NACA: variants seen among roughly 807,000 people sequenced by gnomAD.
The protein encoded by NACA is nascent polypeptide associated complex subunit alpha.
Under a neutral mutation model 86.4 loss-of-function variants are expected in NACA, and 42 were observed. The observed-to-expected ratio is 0.49, with a 90% CI of 0.38 to 0.63. The LOEUF (loss-of-function observed/expected upper bound fraction) is 0.63, where lower values mean the gene tolerates loss of function less well. NACA is among the 20% of genes least tolerant of loss of function. NACA has a pLI of 0.00. For missense variants in NACA, 2,157 were observed against 2,483.6 expected, an observed-to-expected ratio of 0.87 and a Z score of 2.80; for synonymous variants, 898 against 973.7, an observed-to-expected ratio of 0.92 and a Z score of 1.45.
Position 56,719,775 on chromosome 12 carries a change from A to AGAAAGAGGT in NACA, c.1746_1754dup (p.Leu584_Pro586dup). 6.2e-7 allele frequency: 1 copy of AGAAAGAGGT among 1,613,858 alleles called. No individual in the cohort carries two copies. Among genetic ancestry groups the AGAAAGAGGT allele is most frequent in the Non-Finnish European group, 8.5e-7 (1 of 1,179,874 alleles). On this transcript the variant is annotated inframe_insertion, in exon 3 of 9. Coordinates refer to ENST00000454682, the MANE Select transcript of NACA (RefSeq NM_001365896.1). The stretch of plus-strand genomic sequence containing the variant: ...TTTTCTTTGCTAGGGTGGCTTCAGG[A>AGAAAGAGGT]GAAAGAGGTATCTCTGGAGAAGAGG...
chr12:56,720,505 T>C lies in NACA; in HGVS notation c.1025A>G (p.Asp342Gly), dbSNP rs1411967994. ...SDPTVKTISV[D>G]HSSTGASYPS... ...ATAAGAGGCCCCTGTGGAAGAATGA[T>C]CTACAGAAATGGTCTTCACTGTAGG... The change falls in exon 3 of 9, where the codon GAT becomes GGT. Residue 342 changes from aspartate (D) to glycine (G), a missense_variant. By Grantham distance (94) the Asp-to-Gly change is moderately conservative (BLOSUM62 -1). This residue lies in a region of NACA where 947 missense variants were observed against 917.9 expected (regional missense o/e 1.03). Coordinates refer to ENST00000454682, the MANE Select transcript of NACA (RefSeq NM_001365896.1). 5.6e-6 allele frequency: 9 copies of C among 1,613,674 alleles called. No homozygotes were observed. The African/African-American group carries it at 1.2e-4, about 22-fold the overall frequency.
intron 2 of NACA, among the ~76,000 whole-genome samples, chr12:56,723,789 T>C (rs1953637317): frequency 6.6e-6 from 1 of 152,220 alleles, no homozygotes; most frequent in Non-Finnish European, 1.5e-5. Flanking sequence ...CCTCCTAAGT[T>C]TTCTACAGAG....
Position 56,716,128 on chromosome 12 carries a change from G to C in NACA, c.5402C>G (p.Pro1801Arg), listed in dbSNP as rs914922212. 6.2e-7 allele frequency: 1 copy of C among 1,613,536 alleles called. No individual in the cohort carries two copies. Among genetic ancestry groups the C allele is most frequent in the African/African-American group, 1.3e-5 (1 of 75,020 alleles). Residue 1801 changes from proline (P) to arginine (R), a missense_variant, in exon 3 of 9, where the codon CCT becomes CGT. Physicochemically the swap from Pro to Arg is moderately radical, Grantham distance 103. This residue lies in a region of NACA where 797 missense variants were observed against 777.6 expected (regional missense o/e 1.02). Transcript: ENST00000454682. The stretch of plus-strand genomic sequence containing the variant: ...AGTGGGAACTGGGGAGGGAGCAAGA[G>C]GCAGAGAGACTGGTGGGGAGGGTGC... ...SAAPSPPVSL[P>R]LAPSPVPTLP...
chr12:56,724,806 C>T (rs1953669321), intron 1 of NACA: 1 of 430,668 alleles, frequency 2.3e-6, no homozygotes, highest in Non-Finnish European at 4.2e-6. Context: ...CTGTGAACCC[C>T]CTCCACTCCT....
rs1953274584 is a variant in NACA, at chr12:56,713,673, T to C, written c.5834A>G (p.Lys1945Arg). 1 of 1,614,104 alleles carries C rather than the reference T, an allele frequency of 6.2e-7. No homozygotes were observed. The highest frequency in any genetic ancestry group is 8.5e-7 in the Non-Finnish European group (1 of 1,179,986). The change falls in exon 6 of 9, where the codon AAA becomes AGA. Residue 1945 changes from lysine (K) to arginine (R), a missense_variant. This residue lies in a region of NACA where 81 missense variants were observed against 200.6 expected (regional missense o/e 0.40). Transcript: ENST00000454682. ...SEKKARKAMS[K>R]LGLRQVTGVT... ...TCCTGTAACCTGCCGAAGACCCAGT[T>C]TGGACATAGCCTAAAGAAGAGAAAA...
Position 56,714,704 on chromosome 12 carries a change from C to T in NACA, c.5660-17G>A, listed in dbSNP as rs772634815. ...TTCCAGACCCTAAGATGAGAAACAA[C>T]TTTTACTGCTTTATAGTAGAAATTA... On this transcript the variant is annotated splice_polypyrimidine_tract_variant and intron_variant, in intron 3 of 8. Coordinates refer to ENST00000454682, the MANE Select transcript of NACA (RefSeq NM_001365896.1). The T allele has an allele frequency of 1.2e-6, 2 of 1,608,312 alleles. No individual in the cohort carries two copies. Among genetic ancestry groups the T allele is most frequent in the East Asian group, 2.2e-5 (1 of 44,862 alleles).
intron 3 of NACA, 105 bp downstream of exon 3, chr12:56,715,766 T>C (rs752106502): frequency 1.9e-6 from 2 of 1,027,452 alleles, no homozygotes; most frequent in Admixed American, 2.6e-5. Context: ...CCCAAGCAGA[T>C]TCACTGGAGA....
At position 56,719,901 on chromosome 12, in the gene NACA, A is replaced by AGG; in HGVS notation, c.1627_1628dup (p.Phe544LeufsTer20). ...TGAGTCCTGCTTGGGCTGGAGAGAA[A>AGG]GGGGCTCCTTCAAGAGAGGCAGGTA... is the stretch of plus-strand genomic sequence containing the variant. On this transcript the variant is annotated frameshift_variant, in exon 3 of 9. Transcript: ENST00000454682. LOFTEE classifies it high-confidence loss of function. 6.2e-7 allele frequency: 1 copy of AGG among 1,613,790 alleles called. No individual in the cohort carries two copies.
intron 2 of NACA, among the ~76,000 whole-genome samples, chr12:56,722,430 C>T (rs537467637): frequency 1.3e-5 from 2 of 152,318 alleles, no homozygotes; most frequent in East Asian, 1.9e-4. Flanking sequence ...TGGCTCATGC[C>T]TGTAATCCCA....
Position 56,720,572 on chromosome 12 carries a change from C to G in NACA, c.958G>C (p.Val320Leu). 6.2e-7 allele frequency: 1 copy of G among 1,613,954 alleles called. No homozygotes were observed. The highest frequency in any genetic ancestry group is 8.5e-7 in the Non-Finnish European group (1 of 1,179,894). ...APLHQSSFGS[V>L]QLLGQTGPSA... Reference sequence around the variant, plus strand: ...GGACCTGTTTGACCTAAAAGTTGGACAGAACCAAAAGAACTCTGATGTAAA... The same window carrying G: ...GGACCTGTTTGACCTAAAAGTTGGAGAGAACCAAAAGAACTCTGATGTAAA... The change falls in exon 3 of 9, where the codon GTC (valine) becomes CTC (leucine). Residue 320 changes from valine (V) to leucine (L), a missense_variant. Transcript: ENST00000454682.
At chr12:56,714,867 G>T in intron 3 of NACA, 180 bp from the exon 4 acceptor site, 1 of 609,308 alleles carries the variant, frequency 1.6e-6, no homozygotes, top group Non-Finnish European at 2.9e-6. Context: ...TAACTAGCGG[G>T]TACACATCTA....
rs778787645 is a variant in NACA at position 56,720,519 on chromosome 12, C to A, written c.1011G>T (p.Lys337Asn). The A allele has an allele frequency of 1.2e-6, 2 of 1,613,744 alleles. No individual in the cohort carries two copies. The highest frequency in any genetic ancestry group is 2.2e-5 in the South Asian group (2 of 91,082). ...TGGAAGAATGATCTACAGAAATGGT[C>A]TTCACTGTAGGGTCTGACAAAGCAC... ...GPSALSDPTVKTISVDHSSTG... is the reference protein window; with the variant it reads ...GPSALSDPTVNTISVDHSSTG... The change falls in exon 3 of 9, where the codon AAG becomes AAT. Residue 337 changes from lysine to asparagine, a missense_variant. Lys to Asn is a moderately conservative substitution (Grantham distance 94, BLOSUM62 0). Transcript: ENST00000454682.
chr12:56,721,672 CT>C (rs1461165510), intron 2 of NACA, among the ~76,000 whole-genome samples: 2 of 152,198 alleles, frequency 1.3e-5, no homozygotes, highest in African/African-American at 4.8e-5. Context: ...CATTCCCCTC[CT>C]AATTTCTCAC....
rs1446200617 is a variant in NACA, at chr12:56,720,039, T to C, written c.1491A>G (p.Val497=). 2 of 1,613,750 alleles carry C rather than the reference T, an allele frequency of 1.2e-6. No individual in the cohort carries two copies. The highest frequency in any genetic ancestry group is 1.3e-5 in the African/African-American group (1 of 74,882). The part of the protein sequence containing the change: ...PVAPKEPSTQ[V]ATTLRIPVSP... ...AGACTGGTATCCTCAGAGTGGTTGCTACTTGAGTAGAAGGCTCTTTGGGAG... is the reference window on the plus strand; with the variant it reads ...AGACTGGTATCCTCAGAGTGGTTGCCACTTGAGTAGAAGGCTCTTTGGGAG... The change falls in exon 3 of 9, where the codon GTA becomes GTG. Residue 497 remains valine, a synonymous_variant. Transcript: ENST00000454682.
chr12:56,720,552 T>TG lies in NACA; in HGVS notation c.977dup (p.Gly327ArgfsTer3). On this transcript the variant is annotated frameshift_variant, in exon 3 of 9. Coordinates refer to ENST00000454682, the MANE Select transcript of NACA (RefSeq NM_001365896.1). LOFTEE classifies it high-confidence loss of function. ...TAGGGTCTGACAAAGCACTAGGACC[T>TG]GTTTGACCTAAAAGTTGGACAGAAC... The TG allele has an allele frequency of 6.2e-7, 1 of 1,613,980 alleles. No individual in the cohort carries two copies. The highest frequency in any genetic ancestry group is 8.5e-7 in the Non-Finnish European group (1 of 1,179,870).
At position 56,718,818 on chromosome 12, in the gene NACA, T is replaced by G. The variant is rs1221458794; in HGVS notation, c.2712A>C (p.Ala904=). 2 of 1,435,926 alleles carry G rather than the reference T, an allele frequency of 1.4e-6. No individual in the cohort carries two copies. Among genetic ancestry groups the G allele is most frequent in the African/African-American group, 1.5e-5 (1 of 68,854 alleles). The allele number at this position is 1,435,926 out of a possible 1,614,324, so 88.9% of individuals were successfully genotyped here. A position where few individuals can be genotyped will look rare whatever the true frequency, so the allele number is the denominator to read the frequency against. ...TGGATAGAGCAGGAGCCTGTTTGGG[T>G]GCTGGAGTAGCTGGACCCTCTTTGG... The part of the protein sequence containing the change: ...PFPKEGPATP[A]PKQAPALSMT... Residue 904 remains alanine (A), a synonymous_variant, in exon 3 of 9, where the codon GCA becomes GCC. Transcript: ENST00000454682.
At position 56,719,589 on chromosome 12, in the gene NACA, T is replaced by C; in HGVS notation, c.1941A>G (p.Ala647=). The C allele has an allele frequency of 6.2e-7, 1 of 1,613,936 alleles. No individual in the cohort carries two copies. Among genetic ancestry groups the C allele is most frequent in the Non-Finnish European group, 8.5e-7 (1 of 1,179,876 alleles). ...CAGGGTCAGCACTTTCCAAAGGAAA[T>C]GCAGCCACTGTTGGGGTAATGAGAG... is the stretch of plus-strand genomic sequence containing the variant. The part of the protein sequence containing the change: ...KSSLITPTVA[A]FPLESADPAG... Residue 647 remains alanine (A), a synonymous_variant, in exon 3 of 9, where the codon GCA becomes GCG. Transcript: ENST00000454682.
In NACA at chr12:56,721,379, G is replaced by A. The variant is rs1305338810; in HGVS notation, c.151C>T (p.Pro51Ser). The A allele has an allele frequency of 3.8e-6, 6 of 1,582,738 alleles. No individual in the cohort carries two copies. The highest frequency in any genetic ancestry group is 1.4e-5 in the African/African-American group (1 of 73,566). The change falls in exon 3 of 9, where the codon CCT (proline) becomes TCT (serine). Residue 51 changes from proline to serine, a missense_variant. Transcript: ENST00000454682. ...PGPTLPPPCS[P>S]APQQCPLSAA... ...GAGAGAGGGCACTGTTGTGGGGCAG[G>A]AGAGCAAGGAGGGGGGAGGGTAGGT...
In NACA at chr12:56,716,080, A is replaced by C. The variant is rs773334779; in HGVS notation, c.5450T>G (p.Leu1817Arg). Residue 1817 changes from leucine to arginine, a missense_variant, in exon 3 of 9, where the codon CTG (leucine) becomes CGG (arginine). This residue lies in a region of NACA where 797 missense variants were observed against 777.6 expected (regional missense o/e 1.02). Coordinates refer to ENST00000454682, the MANE Select transcript of NACA (RefSeq NM_001365896.1). ...VPTLPPKQQF[L>R]PSSPGLVLES... ...CAACACCAGCCCAGGAGAGGACGGC[A>C]GAAATTGCTGTTTAGGAGGCAGAGT... 1 of 1,613,114 alleles carries C rather than the reference A, an allele frequency of 6.2e-7. No homozygotes were observed. Among genetic ancestry groups the C allele is most frequent in the Non-Finnish European group, 8.5e-7 (1 of 1,179,394 alleles).
Sources: gnomAD v4.1 joint callset for allele counts (sites outside exome capture counted in the v4.1 genomes callset) on GRCh38, gnomAD v4.1.1 for gene constraint, gnomAD v4.1.1 regional missense constraint, MANE v1.5 for transcripts, NCBI Gene and HGNC (gene_info 2026-07-23, HGNC 2026-07-21) for gene names.